Variants in LIMD1 observed in about 807,000 individuals in gnomAD.
The protein encoded by LIMD1 is LIM domain containing 1, also known as LIM domain-containing protein 1.
In LIMD1, 23 loss-of-function variants were observed where a neutral mutation model predicts 58.4. That is an observed-to-expected ratio of 0.39 (90% CI 0.28 to 0.56). The LOEUF (loss-of-function observed/expected upper bound fraction) is 0.56, where lower values mean the gene tolerates loss of function less well. Ranked by LOEUF, LIMD1 falls within the 20% of genes least tolerant of loss-of-function variation. LIMD1 has a pLI of 0.57. For synonymous variants in LIMD1, 334 were observed against 345.5 expected, an observed-to-expected ratio of 0.97 and a Z score of 0.37; for missense variants, 838 against 855.5, an observed-to-expected ratio of 0.98 and a Z score of 0.25.
At chr3:45,604,807 T>C (rs897477729) in intron 1 of LIMD1, among the ~76,000 whole-genome samples, 2 of 152,216 alleles carry the variant, frequency 1.3e-5, no homozygotes, top group Non-Finnish European at 2.9e-5. Context: ...CCCGTCATGC[T>C]TTCTCTCTGG....
At chr3:45,640,150 T>C (rs533723696) in intron 2 of LIMD1, among the ~76,000 whole-genome samples, 157 of 152,378 alleles carry the variant, frequency 1.0e-3, no homozygotes, top group African/African-American at 3.6e-3. Context: ...GGGTTTTTGA[T>C]TGGTCTAGCA....
rs1349669570 is a variant in LIMD1 at position 45,674,339 on chromosome 3, C to G, written c.1825-4C>G. 2 of 1,613,446 alleles carry G rather than the reference C, an allele frequency of 1.2e-6. No homozygotes were observed. The highest frequency in any genetic ancestry group is 1.7e-5 in the Admixed American group (1 of 59,980). Reference sequence around the variant, plus strand: ...TATGTGTTCTTGCTTTTCTCTGGTCCCAGGGCTCAGATGAGACCATCCGTG... The same window carrying G: ...TATGTGTTCTTGCTTTTCTCTGGTCGCAGGGCTCAGATGAGACCATCCGTG... On this transcript the variant is annotated splice_region_variant and splice_polypyrimidine_tract_variant and intron_variant, in intron 6 of 7. Coordinates refer to ENST00000273317, the MANE Select transcript of LIMD1 (RefSeq NM_014240.3).
intron 1 of LIMD1, among the ~76,000 whole-genome samples, chr3:45,606,770 AG>A (rs1418317308): frequency 6.6e-6 from 1 of 152,154 alleles, no homozygotes; most frequent in Non-Finnish European, 1.5e-5. Flanking sequence ...CTGTGTGCAG[AG>A]GTGCTTGAAC....
In LIMD1 at chr3:45,624,425, C is replaced by T. The variant is rs529630028; in HGVS notation, c.1409-11725C>T. 6.4e-4 allele frequency among the ~76,000 whole-genome samples: 98 copies of T among 152,084 alleles called. 2 individuals are homozygous for T. The highest frequency in any genetic ancestry group is 2.2e-3 in the African/African-American group (92 of 41,496). ...GCCTTTTTATTTAAAAGCTTTCCATCGGCCAGGCGCGGTGTCTCACGCCTG... is the reference window on the plus strand; with the variant it reads ...GCCTTTTTATTTAAAAGCTTTCCATTGGCCAGGCGCGGTGTCTCACGCCTG... On this transcript the variant is annotated intron_variant, in intron 1 of 7. Coordinates refer to ENST00000273317, the MANE Select transcript of LIMD1 (RefSeq NM_014240.3).
At chr3:45,625,672 T>A (rs1701663057) in intron 1 of LIMD1, among the ~76,000 whole-genome samples, 1 of 152,090 alleles carries the variant, frequency 6.6e-6, no homozygotes, top group South Asian at 2.1e-4. Context: ...AATAATGGTA[T>A]ATCTGGAGCG....
At position 45,681,354 on chromosome 3, in the gene LIMD1, G is replaced by A. The variant is rs191359743; in HGVS notation, c.*4295G>A. The A allele has an allele frequency of 6.6e-6, 1 of 152,286 alleles. No homozygotes were observed. The highest frequency in any genetic ancestry group is 2.4e-5 in the African/African-American group (1 of 41,546). The allele number at this position is 152,286 out of a possible 1,614,324, so 9.4% of individuals were successfully genotyped here. On this transcript the variant is annotated 3_prime_UTR_variant, in exon 8 of 8. Coordinates refer to ENST00000273317, the MANE Select transcript of LIMD1 (RefSeq NM_014240.3). ...CTTTTACAGCTCTGGATTCTTAAAA[G>A]TACCACATAGGTAGCAAACCTGTGA...
chr3:45,630,727 G>A (rs559113826), intron 1 of LIMD1, among the ~76,000 whole-genome samples: 2 of 152,034 alleles, frequency 1.3e-5, no homozygotes, highest in Non-Finnish European at 2.9e-5. Flanking sequence ...GGGTTGGGGG[G>A]CATGTGTGGC....
chr3:45,635,974 T>C (rs1404519809), intron 1 of LIMD1, 176 bp from the exon 2 acceptor site: 1 of 985,142 alleles, frequency 1.0e-6, no homozygotes, highest in Non-Finnish European at 1.2e-6. Flanking sequence ...TTTTCTGCAG[T>C]TGAAAGAGTG....
Position 45,655,012 on chromosome 3 carries a change from C to T in LIMD1, c.1511-10638C>T, listed in dbSNP as rs560995363. Among the ~76,000 whole-genome samples, 303 of 150,968 alleles carry T rather than the reference C, an allele frequency of 2.0e-3. 1 individual carries two copies. The highest frequency in any genetic ancestry group is 4.3e-3 in the Admixed American group (66 of 15,190). On this transcript the variant is annotated intron_variant, in intron 2 of 7. Transcript: ENST00000273317. ...TCAGCTCACTGCAACCTCTGCCACC[C>T]GGGTTCAAGTGATTCTCCTGCCTCA...
rs372270855 is a variant in LIMD1, at chr3:45,596,077, T to C, written c.1198T>C (p.Ser400Pro). The part of the protein sequence containing the change: ...HPVMSTLPEL[S>P]CKEGPLGWSS... ...AGTGATGTCCACCCTGCCTGAGTTA[T>C]CTTGTAAAGAGGGTCCCCTGGGCTG... The change falls in exon 1 of 8, where the codon TCT (serine) becomes CCT (proline). Residue 400 changes from serine (S) to proline (P), a missense_variant. Transcript: ENST00000273317. 1.7e-5 allele frequency: 27 copies of C among 1,614,056 alleles called. No individual in the cohort carries two copies. The highest frequency in any genetic ancestry group is 1.2e-4 in the Admixed American group (7 of 60,006).
At chr3:45,662,980 T>C (rs1697463726) in intron 2 of LIMD1, among the ~76,000 whole-genome samples, 1 of 150,066 alleles carries the variant, frequency 6.7e-6, no homozygotes, top group African/African-American at 2.5e-5. Context: ...CGAGACTCCG[T>C]CTCAAAAAAA....
Position 45,683,235 on chromosome 3 carries a change from A to G in LIMD1, c.*6176A>G, listed in dbSNP as rs761915787. 1 of 152,248 alleles carries G rather than the reference A, an allele frequency of 6.6e-6. No homozygotes were observed. The highest frequency in any genetic ancestry group is 1.5e-5 in the Non-Finnish European group (1 of 68,070). 9.4% of individuals were successfully genotyped at this position (152,248 alleles called of 1,614,324 possible). A position where few individuals can be genotyped will look rare whatever the true frequency, so the allele number is the denominator to read the frequency against. On this transcript the variant is annotated 3_prime_UTR_variant, in exon 8 of 8. Coordinates refer to ENST00000273317, the MANE Select transcript of LIMD1 (RefSeq NM_014240.3). ...AGGTTCTGGTGAGGAGGACAGGGAC[A>G]TCTCTGAAGGGGAGGGAAGCAGGAG...
chr3:45,597,989 A>G (rs115148665), intron 1 of LIMD1, among the ~76,000 whole-genome samples: 4,796 of 151,834 alleles, frequency 0.032, 68 homozygotes, highest in Non-Finnish European at 0.041. Flanking sequence ...TTATTTGTTT[A>G]TTTATTTATT....
In LIMD1 at chr3:45,673,514, C is replaced by T; in HGVS notation, c.1824+9C>T. 1.9e-6 allele frequency: 3 copies of T among 1,609,438 alleles called. No homozygotes were observed. The highest frequency in any genetic ancestry group is 2.6e-6 in the Non-Finnish European group (3 of 1,175,754). On this transcript the variant is annotated intron_variant, in intron 6 of 7. Coordinates refer to ENST00000273317, the MANE Select transcript of LIMD1 (RefSeq NM_014240.3). The stretch of plus-strand genomic sequence containing the variant: ...CCATCCTTCCACCTGAGGTAAGATG[C>T]CCTTCCAGACATGCTCCCAGGGGCT...
At position 45,594,968 on chromosome 3, in the gene LIMD1, G is replaced by T. The variant is rs199991743; in HGVS notation, c.89G>T (p.Arg30Leu). 1 of 1,613,884 alleles carries T rather than the reference G, an allele frequency of 6.2e-7. No homozygotes were observed. The highest frequency in any genetic ancestry group is 8.5e-7 in the Non-Finnish European group (1 of 1,180,022). ...MYEASKDGLF[R>L]VDKGAGNNPE... Reference sequence around the variant, plus strand: ...GAGGCCTCTAAGGATGGGCTCTTCCGAGTGGACAAGGGTGCAGGCAACAAC... The same window carrying T: ...GAGGCCTCTAAGGATGGGCTCTTCCTAGTGGACAAGGGTGCAGGCAACAAC... The change falls in exon 1 of 8, where the codon CGA (arginine) becomes CTA (leucine). Residue 30 changes from arginine to leucine, a missense_variant. By Grantham distance (102) the Arg-to-Leu change is moderately radical. Around this residue, in one of 3 missense-constraint regions of LIMD1, gnomAD observed 659 missense variants for 639.8 expected, o/e 1.03. Transcript: ENST00000273317.
intron 4 of LIMD1, among the ~76,000 whole-genome samples, chr3:45,671,409 T>G (rs1299037250): frequency 6.6e-6 from 1 of 152,212 alleles, no homozygotes; most frequent in African/African-American, 2.4e-5. Flanking sequence ...TCAGCCTGTT[T>G]GAAGGCTTTC....
At chr3:45,612,395 A>G (rs1701534661) in intron 1 of LIMD1, among the ~76,000 whole-genome samples, 1 of 152,090 alleles carries the variant, frequency 6.6e-6, no homozygotes, top group Admixed American at 6.6e-5. Flanking sequence ...TTTGCAGGCT[A>G]TTTGATGTCT....
At position 45,636,190 on chromosome 3, in the gene LIMD1, C is replaced by T. The variant is rs548705746; in HGVS notation, c.1449C>T (p.Gly483=). The T allele has an allele frequency of 1.6e-5, 25 of 1,597,906 alleles. No homozygotes were observed. The highest frequency in any genetic ancestry group is 2.0e-5 in the Non-Finnish European group (24 of 1,175,746). ...VKCSKGVFGA[G]QACQAMGNLY... The stretch of plus-strand genomic sequence containing the variant: ...GCAGCAAAGGGGTGTTTGGGGCTGG[C>T]CAGGCCTGTCAGGCCATGGGGAACC... The change falls in exon 2 of 8, where the codon GGC becomes GGT. Residue 483 remains glycine (G), a synonymous_variant. Transcript: ENST00000273317.
intron 1 of LIMD1, among the ~76,000 whole-genome samples, chr3:45,605,539 G>GT (rs1701460300): frequency 6.8e-6 from 1 of 147,278 alleles, no homozygotes; most frequent in Non-Finnish European, 1.5e-5. Context: ...GATACAGAAT[G>GT]TATCAGGCAC....
Sources: gnomAD v4.1 joint callset for allele counts (sites outside exome capture counted in the v4.1 genomes callset) on GRCh38, gnomAD v4.1.1 for gene constraint, gnomAD v4.1.1 regional missense constraint, MANE v1.5 for transcripts, NCBI Gene and HGNC (gene_info 2026-07-23, HGNC 2026-07-21) for gene names.